Variants in RAB10 observed in about 807,000 individuals in gnomAD.
RAB10 encodes RAB10, member RAS oncogene family, also known as ras-related protein Rab-10.
Under a neutral mutation model 25.7 loss-of-function variants are expected in RAB10, and 5 were observed. The ratio of observed to expected loss-of-function variants is 0.19; its 90% CI spans 0.10 to 0.41. RAB10 has a LOEUF of 0.41. RAB10 is among the 10% of genes least tolerant of loss of function. RAB10 has a pLI of 1.00. For missense variants in RAB10, 103 were observed against 245.8 expected (o/e 0.42, Z 3.89); for synonymous variants, 89 against 86.4 (o/e 1.03, Z -0.16).
chr2:26,109,233 A>G (rs1219981133), intron 2 of RAB10, among the ~76,000 whole-genome samples: 1 of 152,110 alleles, frequency 6.6e-6, no homozygotes, highest in Non-Finnish European at 1.5e-5. Flanking sequence ...TTTAAAAAAG[A>G]TACTAAAACA....
At chr2:26,090,141 G>T (rs901798432) in intron 1 of RAB10, among the ~76,000 whole-genome samples, 2 of 152,080 alleles carry the variant, frequency 1.3e-5, no homozygotes, top group Admixed American at 6.5e-5. Flanking sequence ...CTTCCTCTTT[G>T]TTGGTTTGGT....
intron 1 of RAB10, among the ~76,000 whole-genome samples, chr2:26,090,932 TC>T (rs1217720034): frequency 1.5e-5 from 1 of 67,290 alleles, no homozygotes. Context: ...AGACCCTGTC[TC>T]CCCCCCCAAA....
chr2:26,131,132 T>C (rs542993463), intron 5 of RAB10, among the ~76,000 whole-genome samples: 155 of 151,988 alleles, frequency 1.0e-3, no homozygotes, highest in Non-Finnish European at 1.9e-3. Context: ...AAGGTTAAAG[T>C]ATGAGTATAC....
chr2:26,073,060 G>C (rs1387128340), intron 1 of RAB10, among the ~76,000 whole-genome samples: 1 of 152,208 alleles, frequency 6.6e-6, no homozygotes, highest in Admixed American at 6.5e-5. Flanking sequence ...CCAAGTTTCA[G>C]TGATGAGATT....
At chr2:26,121,888 A>G (rs749030799) in intron 3 of RAB10, among the ~76,000 whole-genome samples, 78 of 152,322 alleles carry the variant, frequency 5.1e-4, no homozygotes, top group Non-Finnish European at 9.8e-4. Flanking sequence ...GTGTCTGCTT[A>G]AAACACCATG....
intron 3 of RAB10, among the ~76,000 whole-genome samples, chr2:26,122,275 A>T (rs915437583): frequency 6.6e-6 from 1 of 152,174 alleles, no homozygotes; most frequent in African/African-American, 2.4e-5. Flanking sequence ...TTTACAGAAT[A>T]CCTTTTTATC....
chr2:26,127,837 G>C lies in RAB10; in HGVS notation c.418-13G>C. Reference sequence around the variant, plus strand: ...CTTGATAATTTTATGATGATATTTTGTTTCTGTTTTAGATTGCAAGGGAGC... The same window carrying C: ...CTTGATAATTTTATGATGATATTTTCTTTCTGTTTTAGATTGCAAGGGAGC... On this transcript the variant is annotated splice_polypyrimidine_tract_variant and intron_variant, in intron 4 of 5. Transcript: ENST00000264710. 6.4e-7 allele frequency: 1 copy of C among 1,551,622 alleles called. No homozygotes were observed. The highest frequency in any genetic ancestry group is 1.1e-5 in the South Asian group (1 of 89,676).
chr2:26,123,047 GC>G (rs1435958479), intron 3 of RAB10, among the ~76,000 whole-genome samples: 5 of 152,112 alleles, frequency 3.3e-5, no homozygotes, highest in African/African-American at 1.2e-4. Context: ...GTATAAAGTT[GC>G]TAACCCCCAA....
At chr2:26,064,071 C>G (rs1184104040) in intron 1 of RAB10, among the ~76,000 whole-genome samples, 1 of 152,110 alleles carries the variant, frequency 6.6e-6, no homozygotes, top group Non-Finnish European at 1.5e-5. Context: ...ATGTCTTTCT[C>G]AATTCATCCA....
chr2:26,077,935 C>T (rs1666774548), intron 1 of RAB10, among the ~76,000 whole-genome samples: 2 of 151,974 alleles, frequency 1.3e-5, no homozygotes, highest in African/African-American at 2.4e-5. Flanking sequence ...GCCAAGATCG[C>T]GCCACTGCAC....
intron 1 of RAB10, among the ~76,000 whole-genome samples, chr2:26,051,909 T>C (rs1666143564): frequency 6.8e-6 from 1 of 146,364 alleles, no homozygotes; most frequent in African/African-American, 2.6e-5. Context: ...ATACAAAAAT[T>C]AGCTGGGCAT....
At chr2:26,049,027 C>T (rs1215728582) in intron 1 of RAB10, among the ~76,000 whole-genome samples, 1 of 152,062 alleles carries the variant, frequency 6.6e-6, no homozygotes, top group African/African-American at 2.4e-5. Context: ...TTGGACTTTC[C>T]TCTCTTTTTG....
intron 3 of RAB10, among the ~76,000 whole-genome samples, chr2:26,126,934 A>AC (rs1667920671): frequency 6.6e-6 from 1 of 152,220 alleles, no homozygotes; most frequent in Admixed American, 6.5e-5. Context: ...ATAGTATTTG[A>AC]CATGGATATG....
intron 3 of RAB10, among the ~76,000 whole-genome samples, chr2:26,122,396 A>G (rs1667822743): frequency 6.6e-6 from 1 of 152,220 alleles, no homozygotes; most frequent in African/African-American, 2.4e-5. Context: ...TGGGAGGCCA[A>G]GGCGGGCAGA....
At chr2:26,095,183 G>GT (rs973184127) in intron 1 of RAB10, among the ~76,000 whole-genome samples, 3 of 152,030 alleles carry the variant, frequency 2.0e-5, no homozygotes, top group African/African-American at 7.2e-5. Context: ...GTTGTGTTTT[G>GT]TTTTTTTCCC....
chr2:26,086,019 G>GT (rs1214373651), intron 1 of RAB10, among the ~76,000 whole-genome samples: 7 of 138,734 alleles, frequency 5.0e-5, no homozygotes, highest in African/African-American at 1.1e-4. Flanking sequence ...AAAAAAAAAG[G>GT]GGGGGGGCAA....
chr2:26,052,466 G>A (rs990411817), intron 1 of RAB10, among the ~76,000 whole-genome samples: 5 of 125,332 alleles, frequency 4.0e-5, no homozygotes, highest in African/African-American at 1.5e-4. Flanking sequence ...GGAACCGTGA[G>A]CCAATTTTTT....
intron 2 of RAB10, among the ~76,000 whole-genome samples, chr2:26,099,356 A>T (rs1280316075): frequency 6.6e-6 from 1 of 152,152 alleles, no homozygotes; most frequent in East Asian, 1.9e-4. Flanking sequence ...TTAAGTTTTG[A>T]CATACGTATA....
At chr2:26,116,546 G>GTT in intron 3 of RAB10, among the ~76,000 whole-genome samples, 1 of 84,794 alleles carries the variant, frequency 1.2e-5, no homozygotes, top group Non-Finnish European at 2.3e-5. Context: ...TTTCTGTCTT[G>GTT]TGTTTTTTTT....
Sources: allele counts gnomAD v4.1 joint callset (sites outside exome capture counted in the v4.1 genomes callset), GRCh38; gene constraint gnomAD v4.1.1; transcripts MANE v1.5; gene names NCBI Gene and HGNC (gene_info 2026-07-23, HGNC 2026-07-21).